The following FER1L5 variants were observed in gnomAD, a reference collection of about 807,000 sequenced individuals.
FER1L5 encodes the protein fer-1 like family member 5.
Under a neutral mutation model 279.9 loss-of-function variants are expected in FER1L5, and 187 were observed. The ratio of observed to expected loss-of-function variants is 0.67; its 90% CI spans 0.59 to 0.75. FER1L5 has a LOEUF of 0.75. Ranked by LOEUF, FER1L5 falls within the 30% of genes least tolerant of loss-of-function variation. The pLI is 0.00. For synonymous variants in FER1L5, 921 were observed against 989.7 expected (o/e 0.93, Z 1.30); for missense variants, 2,091 against 2,594.4 (o/e 0.81, Z 4.21).
Position 96,670,130 on chromosome 2 carries a change from C to T in FER1L5, c.1374C>T (p.Asp458=), listed in dbSNP as rs546201134. 1.6e-5 allele frequency: 25 copies of T among 1,551,648 alleles called. No individual in the cohort carries two copies. Among genetic ancestry groups the T allele is most frequent in the African/African-American group, 8.2e-5 (6 of 73,152 alleles). ...CTCGCTTGCCCTAGTGTATTCCCGACTCTGTTAGGGATGGTTTAGCTTATC... is the reference window on the plus strand; with the variant it reads ...CTCGCTTGCCCTAGTGTATTCCCGATTCTGTTAGGGATGGTTTAGCTTATC... ...RIQEEGACIP[D]SVRDGLAYRG... is the part of the protein sequence containing the mutation. The change falls in exon 18 of 53, where the codon GAC becomes GAT. Residue 458 remains aspartate (D), a synonymous_variant. Coordinates refer to ENST00000624922, the MANE Select transcript of FER1L5 (RefSeq NM_001293083.2).
intron 26 of FER1L5, among the ~76,000 whole-genome samples, chr2:96,690,072 T>C (rs970023824): frequency 1.3e-5 from 2 of 152,186 alleles, no homozygotes; most frequent in African/African-American, 2.4e-5. Flanking sequence ...CACTGTCCAG[T>C]AGAACTTTCT....
rs114142480 is a variant in FER1L5, at chr2:96,684,376, C to G, written c.1719C>G (p.Ala573=). The change falls in exon 20 of 53, where the codon GCC becomes GCG. Residue 573 remains alanine, a synonymous_variant. Transcript: ENST00000624922. ...VPWYNTKPVV[A]VTSNWEDVSF... is the part of the protein sequence containing the mutation. Reference sequence around the variant, plus strand: ...GGTACAACACCAAGCCTGTCGTGGCCGTGACCTCCAACTGGGAGGACGTCA... The same window carrying G: ...GGTACAACACCAAGCCTGTCGTGGCGGTGACCTCCAACTGGGAGGACGTCA... The G allele has an allele frequency of 1.3e-6, 2 of 1,551,552 alleles. No individual in the cohort carries two copies.
At chr2:96,696,441 C>T (rs561043619) in intron 37 of FER1L5, among the ~76,000 whole-genome samples, 1 of 152,020 alleles carries the variant, frequency 6.6e-6, no homozygotes, top group Non-Finnish European at 1.5e-5. Context: ...TACAGGTGCC[C>T]GCCACCACGC....
At chr2:96,664,186 G>A (rs556048165) in intron 14 of FER1L5, among the ~76,000 whole-genome samples, 86 of 151,684 alleles carry the variant, frequency 5.7e-4, no homozygotes, top group Non-Finnish European at 1.1e-3. Context: ...GGGATGGAAG[G>A]GGAGGGAAGG....
intron 20 of FER1L5, among the ~76,000 whole-genome samples, chr2:96,684,790 G>A (rs781517413): frequency 7.2e-5 from 11 of 152,128 alleles, no homozygotes; most frequent in Non-Finnish European, 1.2e-4. Flanking sequence ...GAGGAGGTGT[G>A]CACAAAGGAG....
At chr2:96,651,326 C>A (rs909462821) in intron 6 of FER1L5, among the ~76,000 whole-genome samples, 1 of 148,528 alleles carries the variant, frequency 6.7e-6, no homozygotes, top group South Asian at 2.1e-4. Flanking sequence ...TTCTTTCTCT[C>A]TTTCTTTCTT....
chr2:96,695,780 G>A lies in FER1L5; in HGVS notation c.3933G>A (p.Val1311=). 3.1e-6 allele frequency: 5 copies of A among 1,612,882 alleles called. No homozygotes were observed. The highest frequency in any genetic ancestry group is 4.2e-6 in the Non-Finnish European group (5 of 1,179,450). Reference sequence around the variant, plus strand: ...AGGAGGCCTATGCACTGCCCCTCGTGGTGAAGGTGGTAGACAACTGGGCCT... The same window carrying A: ...AGGAGGCCTATGCACTGCCCCTCGTAGTGAAGGTGGTAGACAACTGGGCCT... ...PTEEAYALPL[V]VKVVDNWAFG... Residue 1311 remains valine (V), a synonymous_variant, in exon 36 of 53, where the codon GTG becomes GTA. Transcript: ENST00000624922.
chr2:96,696,825 A>C (rs1269796148), intron 37 of FER1L5, among the ~76,000 whole-genome samples: 1 of 152,112 alleles, frequency 6.6e-6, no homozygotes, highest in Non-Finnish European at 1.5e-5. Flanking sequence ...GAATCGCTTG[A>C]ACCCCAGAGG....
chr2:96,696,220 TAGGGTC>T, intron 37 of FER1L5, 143 bp downstream of exon 37: 1 of 971,012 alleles, frequency 1.0e-6, no homozygotes, highest in Non-Finnish European at 1.5e-6. Context: ...CCTCAGCCTA[TAGGGTC>T]TCTGTAGGTC....
Position 96,702,410 on chromosome 2 carries a change from G to A in FER1L5, c.5255+9G>A, listed in dbSNP as rs761529073. ...GACATCTACATCAAAGGGTAGGGAA[G>A]AGGAGTCAGGCTCCGGCAGAGCCCC... On this transcript the variant is annotated intron_variant, in intron 47 of 52. Transcript: ENST00000624922. The surrounding 1 kb of genome is among the most constrained non-coding windows in gnomAD (Gnocchi z 4.0). The A allele has an allele frequency of 1.6e-5, 25 of 1,606,558 alleles. No homozygotes were observed. The highest frequency in any genetic ancestry group is 2.0e-5 in the Non-Finnish European group (23 of 1,176,672).
At chr2:96,683,542 G>C (rs532331789) in intron 19 of FER1L5, among the ~76,000 whole-genome samples, 11 of 149,632 alleles carry the variant, frequency 7.4e-5, no homozygotes, top group African/African-American at 2.7e-4. Flanking sequence ...AAGGTCCTGG[G>C]GTTTGGGACT....
chr2:96,643,287 T>C (rs1435890938), intron 1 of FER1L5, among the ~76,000 whole-genome samples: 1 of 152,238 alleles, frequency 6.6e-6, no homozygotes, highest in Non-Finnish European at 1.5e-5. Context: ...TAGTAATAAC[T>C]GCTTGATCAT....
chr2:96,698,136 CCCGTG>C lies in FER1L5; in HGVS notation c.4337_4341del (p.Pro1446ArgfsTer15), dbSNP rs1474202587. ...CCAGGAGCAGCCCAAGTTGGACAGC[CCCGTG>C]GTAGGGGAGTTCAAGGTGTGTGTCC... On this transcript the variant is annotated frameshift_variant, in exon 40 of 53. Coordinates refer to ENST00000624922, the MANE Select transcript of FER1L5 (RefSeq NM_001293083.2). LOFTEE classifies it high-confidence loss of function. The surrounding 1 kb of genome is among the most constrained non-coding windows in gnomAD (Gnocchi z 5.5). The C allele has an allele frequency of 6.4e-7, 1 of 1,570,208 alleles. No homozygotes were observed. Among genetic ancestry groups the C allele is most frequent in the Non-Finnish European group, 8.6e-7 (1 of 1,157,802 alleles).
At chr2:96,652,098 C>G (rs536639662) in intron 7 of FER1L5, 78 bp downstream of exon 7, 5 of 1,540,112 alleles carry the variant, frequency 3.2e-6, no homozygotes, top group Non-Finnish European at 4.4e-6. Context: ...CAAGCTTGCT[C>G]CTTGACTAGG....
rs1447061929 is a variant in FER1L5, at chr2:96,658,989, A to AGGCTGGAGTGCAG, written c.748-1351_748-1339dup. 2.6e-5 allele frequency among the ~76,000 whole-genome samples: 4 copies of AGGCTGGAGTGCAG among 152,064 alleles called. 1 individual carries two copies. The highest frequency in any genetic ancestry group is 5.9e-5 in the Non-Finnish European group (4 of 68,018). ...GGGACGGAGTCTCTCTCTGTCACCCAGGCTGGAGTGCAGTGGTGTGATCTC... is the reference window on the plus strand; with the variant it reads ...GGGACGGAGTCTCTCTCTGTCACCCAGGCTGGAGTGCAGGGCTGGAGTGCAGTGGTGTGATCTC... On this transcript the variant is annotated intron_variant, in intron 9 of 52. Transcript: ENST00000624922.
Position 96,684,355 on chromosome 2 carries a change from C to T in FER1L5, c.1698C>T (p.Tyr566=). ...ACATCTACCATTATGTGCCCTGGTACAACACCAAGCCTGTCGTGGCCGTGA... is the reference window on the plus strand; with the variant it reads ...ACATCTACCATTATGTGCCCTGGTATAACACCAAGCCTGTCGTGGCCGTGA... ...DGNIYHYVPW[Y]NTKPVVAVTS... Residue 566 remains tyrosine (Y), a synonymous_variant, in exon 20 of 53, where the codon TAC becomes TAT. Coordinates refer to ENST00000624922, the MANE Select transcript of FER1L5 (RefSeq NM_001293083.2). The T allele has an allele frequency of 2.6e-6, 4 of 1,551,688 alleles. No homozygotes were observed. In the South Asian group the frequency reaches 3.6e-5, roughly 14 times the overall value.
Position 96,694,707 on chromosome 2 carries a change from T to G in FER1L5, c.3741+243T>G, listed in dbSNP as rs1046862967. 1.0e-5 allele frequency: 4 copies of G among 387,420 alleles called. No homozygotes were observed. In the South Asian group the frequency reaches 3.7e-4, roughly 36 times the overall value. 24.0% of individuals were successfully genotyped at this position (387,420 alleles called of 1,614,324 possible). A position where few individuals can be genotyped will look rare whatever the true frequency, so the allele number is the denominator to read the frequency against. On this transcript the variant is annotated intron_variant, in intron 34 of 52. Transcript: ENST00000624922. This position sits in a 1 kb window ranked among gnomAD's most constrained non-coding sequence, Gnocchi z 4.6. ...AAGGGCTGTAGCATGCATGATCACT[T>G]GTGGGACTCACGCTGCCCCTGCGCA...
Position 96,659,448 on chromosome 2 carries a change from T to C in FER1L5, c.748-893T>C, listed in dbSNP as rs1260125602. On this transcript the variant is annotated intron_variant, in intron 9 of 52. Transcript: ENST00000624922. ...TTCTTTCTTTCTTTCTTTCTTTCTT[T>C]CTTTCTTTCTTTCTTTCTTTCTTTC... Among the ~76,000 whole-genome samples the C allele has an allele frequency of 1.8e-3, 58 of 33,082 alleles. 2 individuals carry two copies. Among genetic ancestry groups the C allele is most frequent in the Non-Finnish European group, 2.4e-3 (47 of 19,458 alleles). 21.7% of individuals were successfully genotyped at this position (33,082 alleles called of 152,430 possible). A position where few individuals can be genotyped will look rare whatever the true frequency, so the allele number is the denominator to read the frequency against.
chr2:96,675,378 A>G (rs958580691), intron 19 of FER1L5, among the ~76,000 whole-genome samples: 8 of 152,164 alleles, frequency 5.3e-5, no homozygotes, highest in African/African-American at 1.9e-4. Context: ...CTATTACTCT[A>G]CCTTCTCACC....
Sources: allele counts gnomAD v4.1 joint callset (sites outside exome capture counted in the v4.1 genomes callset), GRCh38; gene constraint gnomAD v4.1.1; non-coding constraint Gnocchi (gnomAD v3.1); transcripts MANE v1.5; gene names NCBI Gene and HGNC (gene_info 2026-07-23, HGNC 2026-07-21).